The following CCSAP variants were observed in gnomAD, a reference collection of about 807,000 sequenced individuals.
CCSAP encodes the protein centriole, cilia and spindle-associated protein.
Under a neutral mutation model 25.9 loss-of-function variants are expected in CCSAP, and 17 were observed. That is an observed-to-expected ratio of 0.66 (90% CI 0.45 to 0.99). The LOEUF (loss-of-function observed/expected upper bound fraction) is 0.99, where lower values mean the gene tolerates loss of function less well. Ranked by LOEUF, CCSAP falls within the 50% of genes least tolerant of loss-of-function variation. CCSAP has a pLI of 0.00. For missense variants in CCSAP, 339 were observed against 367.8 expected (o/e 0.92, Z 0.64); for synonymous variants, 169 against 157.1 (o/e 1.08, Z -0.57).
intron 2 of CCSAP, among the ~76,000 whole-genome samples, chr1:229,331,167 T>A (rs1658058890): frequency 1.3e-5 from 2 of 152,154 alleles, no homozygotes; most frequent in South Asian, 4.1e-4. Context: ...AGACCTCAAA[T>A]TATTCCTAGA....
intron 2 of CCSAP, among the ~76,000 whole-genome samples, chr1:229,333,214 C>T (rs550872415): frequency 1.5e-4 from 23 of 151,950 alleles, no homozygotes; most frequent in Admixed American, 2.6e-4. Flanking sequence ...GGGCAGATCA[C>T]GAGGTCAGGA....
At chr1:229,330,894 C>T (rs180997551) in intron 2 of CCSAP, among the ~76,000 whole-genome samples, 1 of 150,024 alleles carries the variant, frequency 6.7e-6, no homozygotes, top group African/African-American at 2.5e-5. Context: ...GAGATTGGTA[C>T]AATAAAGATG....
intron 2 of CCSAP, among the ~76,000 whole-genome samples, chr1:229,329,445 A>G (rs1357481207): frequency 6.6e-6 from 1 of 152,204 alleles, no homozygotes; most frequent in Non-Finnish European, 1.5e-5. Context: ...CCTGGGGTAG[A>G]TAGTGTGGGG....
chr1:229,331,787 T>TTTTTTATTA (rs551904118), intron 2 of CCSAP, among the ~76,000 whole-genome samples: 135 of 140,636 alleles, frequency 9.6e-4, no homozygotes, highest in East Asian at 7.7e-3. Context: ...CTAATATCCT[T>TTTTTTATTA]TTATTATTAT....
intron 2 of CCSAP, among the ~76,000 whole-genome samples, chr1:229,332,825 A>G (rs1658100742): frequency 6.6e-6 from 1 of 152,206 alleles, no homozygotes; most frequent in Non-Finnish European, 1.5e-5. Flanking sequence ...CCTGGCAGAC[A>G]GCGCAAATGG....
chr1:229,330,063 T>A (rs1658032470), intron 2 of CCSAP, among the ~76,000 whole-genome samples: 1 of 141,758 alleles, frequency 7.1e-6, no homozygotes, highest in Non-Finnish European at 1.5e-5. Flanking sequence ...TGCATCAGAC[T>A]GACAGGTGGA....
At chr1:229,340,374 C>A (rs1190185508) in intron 2 of CCSAP, 2 of 714,300 alleles carry the variant, frequency 2.8e-6, no homozygotes, top group Admixed American at 4.0e-5. Context: ...TTAAGGAAAC[C>A]AAAATAATCA....
At chr1:229,332,592 T>G (rs1354267896) in intron 2 of CCSAP, among the ~76,000 whole-genome samples, 1 of 152,216 alleles carries the variant, frequency 6.6e-6, no homozygotes, top group Non-Finnish European at 1.5e-5. Flanking sequence ...TGGTGGAAGA[T>G]TACAATGCCC....
rs1017927961 is a variant in CCSAP at position 229,321,927 on chromosome 1, T to G, written c.*3308A>C. ...CCTTGTCATTATTCCCTAAACAATA[T>G]AGTATAACAACTATTTACAGAGCAT... On this transcript the variant is annotated 3_prime_UTR_variant, in exon 4 of 4. Transcript: ENST00000284617. The G allele has an allele frequency of 2.6e-5, 4 of 152,220 alleles. No homozygotes were observed. Among genetic ancestry groups the G allele is most frequent in the African/African-American group, 9.6e-5 (4 of 41,452 alleles). 9.4% of individuals were successfully genotyped at this position (152,220 alleles called of 1,614,324 possible).
rs1657879433 is a variant in CCSAP at position 229,323,813 on chromosome 1, G to A, written c.*1422C>T. On this transcript the variant is annotated 3_prime_UTR_variant, in exon 4 of 4. Transcript: ENST00000284617. Reference sequence around the variant, plus strand: ...GCAATATGTTCTAAAAATTGACTATGGTTTTCCAAAGACCCAGAGAAAAAT... The same window carrying A: ...GCAATATGTTCTAAAAATTGACTATAGTTTTCCAAAGACCCAGAGAAAAAT... The A allele has an allele frequency of 6.6e-6, 1 of 152,166 alleles. No individual in the cohort carries two copies. Among genetic ancestry groups the A allele is most frequent in the African/African-American group, 2.4e-5 (1 of 41,452 alleles). The allele number at this position is 152,166 out of a possible 1,614,324, so 9.4% of individuals were successfully genotyped here.
At chr1:229,337,684 T>C (rs1167581862) in intron 2 of CCSAP, among the ~76,000 whole-genome samples, 1 of 42,874 alleles carries the variant, frequency 2.3e-5, no homozygotes, top group African/African-American at 9.2e-5. Flanking sequence ...AAAAAATATA[T>C]ATATATATAT....
chr1:229,341,193 C>CAAAAAAAAAAAAAAAA lies in CCSAP; in HGVS notation c.367+890_367+905dup, dbSNP rs71561730. 4.9e-3 allele frequency among the ~76,000 whole-genome samples: 448 copies of CAAAAAAAAAAAAAAAA among 91,030 alleles called. 19 individuals are homozygous for CAAAAAAAAAAAAAAAA. The highest frequency in any genetic ancestry group is 0.021 in the African/African-American group (429 of 20,720). 59.7% of individuals were successfully genotyped at this position (91,030 alleles called of 152,430 possible). A position where few individuals can be genotyped will look rare whatever the true frequency, so the allele number is the denominator to read the frequency against. On this transcript the variant is annotated intron_variant, in intron 2 of 3. Transcript: ENST00000284617. ...TGGGCCACAGAGCGAGACTCCGTCT[C>CAAAAAAAAAAAAAAAA]AAAAAAAAAAAAAAAAAAAGATTAC...
chr1:229,328,055 A>G (rs1371105517), intron 2 of CCSAP, among the ~76,000 whole-genome samples: 4 of 152,194 alleles, frequency 2.6e-5, no homozygotes. Flanking sequence ...TCCAAAAAAT[A>G]TCTATTCCAC....
At chr1:229,337,163 G>T (rs569285150) in intron 2 of CCSAP, among the ~76,000 whole-genome samples, 1 of 152,018 alleles carries the variant, frequency 6.6e-6, no homozygotes, top group East Asian at 1.9e-4. Flanking sequence ...AATGAAAAAG[G>T]CCAGCCAAAT....
intron 2 of CCSAP, among the ~76,000 whole-genome samples, chr1:229,337,678 A>AAAAAAAAAAAAAAAATATATAT: frequency 1.5e-5 from 1 of 65,512 alleles, no homozygotes; most frequent in African/African-American, 6.0e-5. Flanking sequence ...CTCAAAAAAA[A>AAAAAAAAAAAAAAAATATATAT]ATATATATAT....
intron 2 of CCSAP, among the ~76,000 whole-genome samples, chr1:229,333,219 T>G (rs1267202818): frequency 6.6e-6 from 1 of 150,762 alleles, no homozygotes; most frequent in South Asian, 2.1e-4. Flanking sequence ...GATCACGAGG[T>G]CAGGAGATAG....
chr1:229,333,239 T>C (rs61824261), intron 2 of CCSAP, among the ~76,000 whole-genome samples: 10,725 of 151,798 alleles, frequency 0.071, 522 homozygotes, highest in Non-Finnish European at 0.11. Flanking sequence ...GAGACCATCC[T>C]GGGTAACACG....
chr1:229,326,707 G>C (rs980329571), intron 3 of CCSAP, 31 bp downstream of exon 3: 1 of 1,610,636 alleles, frequency 6.2e-7, no homozygotes, highest in South Asian at 1.1e-5. Context: ...CTCTCAAAGG[G>C]AACACAGAAC....
intron 2 of CCSAP, among the ~76,000 whole-genome samples, chr1:229,335,736 C>T (rs1658182169): frequency 6.6e-6 from 1 of 152,140 alleles, no homozygotes; most frequent in African/African-American, 2.4e-5. Context: ...CCAGCAACAG[C>T]CCAGCCGGGT....
Sources: gnomAD v4.1 joint callset for allele counts (sites outside exome capture counted in the v4.1 genomes callset) on GRCh38, gnomAD v4.1.1 for gene constraint, MANE v1.5 for transcripts, NCBI Gene and HGNC (gene_info 2026-07-23, HGNC 2026-07-21) for gene names.